CTIF: variants seen among roughly 807,000 people sequenced by gnomAD.
The protein encoded by CTIF is CBP80/20-dependent translation initiation factor.
In CTIF, 21 loss-of-function variants were observed where a neutral mutation model predicts 66.0. That is an observed-to-expected ratio of 0.32 (90% CI 0.23 to 0.46). The LOEUF is 0.46. CTIF is among the 20% of genes least tolerant of loss of function. The pLI, the probability that CTIF is intolerant of heterozygous loss-of-function variation, is 1.00. For synonymous variants in CTIF, 345 were observed against 326.4 expected, an observed-to-expected ratio of 1.06 and a Z score of -0.62; for missense variants, 739 against 812.7, an observed-to-expected ratio of 0.91 and a Z score of 1.10.
chr18:48,771,120 T>A (rs1404755942), intron 9 of CTIF, among the ~76,000 whole-genome samples: 1 of 152,186 alleles, frequency 6.6e-6, no homozygotes, highest in Non-Finnish European at 1.5e-5. Context: ...CAAATCTGCC[T>A]CCTCCAGGAA....
chr18:48,832,548 A>G (rs916803577), intron 10 of CTIF, among the ~76,000 whole-genome samples: 1 of 152,158 alleles, frequency 6.6e-6, no homozygotes, highest in African/African-American at 2.4e-5. Flanking sequence ...ATAGGGACAC[A>G]GTGCTGGGCA....
At chr18:48,789,853 A>G (rs1276279841) in intron 9 of CTIF, among the ~76,000 whole-genome samples, 1 of 152,234 alleles carries the variant, frequency 6.6e-6, no homozygotes, top group Non-Finnish European at 1.5e-5. Context: ...AAGAGACCCC[A>G]TGCTGCTTCC....
intron 1 of CTIF, among the ~76,000 whole-genome samples, chr18:48,543,213 G>A (rs1035502887): frequency 3.9e-5 from 6 of 152,190 alleles, no homozygotes; most frequent in Non-Finnish European, 2.9e-5. Flanking sequence ...GAGATGGGTG[G>A]TTAGGTTGGA....
chr18:48,667,611 G>T (rs565084758), intron 5 of CTIF, among the ~76,000 whole-genome samples: 1 of 152,316 alleles, frequency 6.6e-6, no homozygotes, highest in African/African-American at 2.4e-5. Context: ...AAAAAGCGAT[G>T]AATAACTATG....
intron 9 of CTIF, among the ~76,000 whole-genome samples, chr18:48,797,235 C>A (rs1350514350): frequency 6.6e-6 from 1 of 152,210 alleles, no homozygotes; most frequent in African/African-American, 2.4e-5. Context: ...GTGATCCTAA[C>A]ACTTTGGGAG....
intron 7 of CTIF, among the ~76,000 whole-genome samples, chr18:48,730,939 G>C (rs1032944269): frequency 2.6e-5 from 4 of 152,108 alleles, no homozygotes; most frequent in Non-Finnish European, 5.9e-5. Flanking sequence ...AATCCTGTCA[G>C]ATGACCCTGC....
At chr18:48,731,026 G>A (rs991389080) in intron 7 of CTIF, among the ~76,000 whole-genome samples, 1 of 152,154 alleles carries the variant, frequency 6.6e-6, no homozygotes, top group African/African-American at 2.4e-5. Flanking sequence ...GAACCATTTG[G>A]AAGGGTCTGG....
chr18:48,634,954 T>C (rs1216171372), intron 2 of CTIF, among the ~76,000 whole-genome samples: 1 of 152,230 alleles, frequency 6.6e-6, no homozygotes, highest in Non-Finnish European at 1.5e-5. Context: ...AGTGATAATA[T>C]TTTGATGTAT....
chr18:48,780,139 A>G (rs2146041751), intron 9 of CTIF, among the ~76,000 whole-genome samples: 1 of 152,270 alleles, frequency 6.6e-6, no homozygotes, highest in African/African-American at 2.4e-5. Context: ...TAAGTGTAAG[A>G]GGCCAAGCCT....
intron 6 of CTIF, among the ~76,000 whole-genome samples, chr18:48,675,091 CT>C (rs1300916654): frequency 6.6e-6 from 1 of 152,030 alleles, no homozygotes; most frequent in Non-Finnish European, 1.5e-5. Context: ...CAGCAGAAGG[CT>C]CTGAGTACAG....
At chr18:48,694,065 A>G (rs773851908) in intron 6 of CTIF, among the ~76,000 whole-genome samples, 7 of 152,230 alleles carry the variant, frequency 4.6e-5, no homozygotes, top group African/African-American at 9.6e-5. Flanking sequence ...TGTGCTGACA[A>G]TAAGTCCTGG....
intron 3 of CTIF, among the ~76,000 whole-genome samples, chr18:48,641,555 G>T: frequency 6.6e-6 from 1 of 152,270 alleles, no homozygotes; most frequent in Middle Eastern, 3.4e-3. Context: ...ATAAGTGAAG[G>T]GCACTCTCTT....
intron 10 of CTIF, among the ~76,000 whole-genome samples, chr18:48,853,409 A>C (rs1344347461): frequency 6.6e-6 from 1 of 152,146 alleles, no homozygotes; most frequent in Non-Finnish European, 1.5e-5. Context: ...ACAAGTATGC[A>C]GAGGCCCAGA....
intron 9 of CTIF, among the ~76,000 whole-genome samples, chr18:48,773,470 A>C (rs1025622290): frequency 4.6e-5 from 7 of 152,142 alleles, no homozygotes; most frequent in Non-Finnish European, 5.9e-5. Context: ...CATTTCCACC[A>C]CCACCCCCAC....
At chr18:48,663,714 G>A (rs2091385983) in intron 3 of CTIF, 38 bp from the exon 4 acceptor site, 1 of 1,590,636 alleles carries the variant, frequency 6.3e-7, no homozygotes, top group Non-Finnish European at 8.6e-7. Context: ...TCCTGGCCGA[G>A]CAATTAATGT....
intron 3 of CTIF, among the ~76,000 whole-genome samples, chr18:48,656,382 G>T (rs1198325997): frequency 2.0e-5 from 3 of 152,210 alleles, no homozygotes; most frequent in African/African-American, 7.2e-5. Flanking sequence ...AGTAAAATGG[G>T]GATGGTGATC....
chr18:48,816,850 C>T (rs12607403), intron 9 of CTIF, among the ~76,000 whole-genome samples: 126,500 of 152,160 alleles, frequency 0.83, 53,002 homozygotes, highest in East Asian at 1. Context: ...CAAAGGGAGA[C>T]GGTTTAGCCA....
rs188941167 is a variant in CTIF at position 48,754,053 on chromosome 18, A to G, written c.585-3866A>G. On this transcript the variant is annotated intron_variant, in intron 7 of 11. Coordinates refer to ENST00000256413, the MANE Select transcript of CTIF (RefSeq NM_014772.3). Reference sequence around the variant, plus strand: ...CCAGAGCAGGGAAGCCTAGGTCTCCATTGCTGGGGAACGAGGCCTAACTCC... The same window carrying G: ...CCAGAGCAGGGAAGCCTAGGTCTCCGTTGCTGGGGAACGAGGCCTAACTCC... Among the ~76,000 whole-genome samples the G allele has an allele frequency of 1.1e-4, 16 of 152,336 alleles. No homozygotes were observed. The East Asian group carries it at 3.1e-3, about 29-fold the overall frequency.
At chr18:48,826,326 T>C (rs1397070641) in intron 10 of CTIF, 1 of 152,128 alleles carries the variant, frequency 6.6e-6, no homozygotes, top group African/African-American at 2.4e-5. Flanking sequence ...AGGTCCATTC[T>C]CCCAACGGGG....
Sources: allele counts gnomAD v4.1 joint callset (sites outside exome capture counted in the v4.1 genomes callset), GRCh38; gene constraint gnomAD v4.1.1; transcripts MANE v1.5; gene names NCBI Gene and HGNC (gene_info 2026-07-23, HGNC 2026-07-21).